Variants in SLC4A4 observed in about 807,000 individuals in gnomAD.
The protein encoded by SLC4A4 is solute carrier family 4 member 4, also known as electrogenic sodium bicarbonate cotransporter 1.
A neutral mutation model predicts 111.5 loss-of-function variants in SLC4A4; 27 were observed. The ratio of observed to expected loss-of-function variants is 0.24; its 90% CI spans 0.18 to 0.33. SLC4A4 has a LOEUF of 0.33. Among genes scored for constraint, SLC4A4 ranks in the 10% least tolerant of loss-of-function variants. The probability of loss-of-function intolerance (pLI) is 1.00; values close to 1 mark genes in which losing one functional copy is unlikely to be tolerated. For synonymous variants in SLC4A4, 443 were observed against 463.4 expected, an observed-to-expected ratio of 0.96 and a Z score of 0.57; for missense variants, 909 against 1,315.5, an observed-to-expected ratio of 0.69 and a Z score of 4.78.
At chr4:71,315,205 T>G (rs1726584990) in intron 3 of SLC4A4, among the ~76,000 whole-genome samples, 1 of 152,150 alleles carries the variant, frequency 6.6e-6, no homozygotes, top group Non-Finnish European at 1.5e-5. Context: ...CTCTATTCTG[T>G]GCCAATTGGT....
intron 23 of SLC4A4, among the ~76,000 whole-genome samples, chr4:71,562,946 TA>T (rs1396257432): frequency 6.6e-6 from 1 of 151,796 alleles, no homozygotes; most frequent in African/African-American, 2.4e-5. Context: ...TATTTTCAAC[TA>T]AAAACCATCT....
rs1250570425 is a variant in SLC4A4 at position 71,433,978 on chromosome 4, G to A, written c.808-6638G>A. Among the ~76,000 whole-genome samples the A allele has an allele frequency of 2.0e-5, 3 of 151,882 alleles. No homozygotes were observed. In the East Asian group the frequency reaches 5.8e-4, roughly 29 times the overall value. ...GCATAATGTTGAATTAGAAAAGCAA[G>A]GTAAAGTATGATGCATTGAGTATGA... On this transcript the variant is annotated intron_variant, in intron 7 of 25. Coordinates refer to ENST00000264485, the MANE Select transcript of SLC4A4 (RefSeq NM_001098484.3).
At chr4:71,122,752 C>G (rs916748393) in intron 2 of SLC4A4, among the ~76,000 whole-genome samples, 1 of 152,164 alleles carries the variant, frequency 6.6e-6, no homozygotes, top group African/African-American at 2.4e-5. Context: ...GACCATCCCC[C>G]CTCGGCATCT....
chr4:71,434,433 C>T, intron 7 of SLC4A4: 1 of 199,560 alleles, frequency 5.0e-6, no homozygotes, highest in Non-Finnish European at 1.1e-5. Context: ...CTAAATTTCC[C>T]AAAGTCTTTC....
intron 2 of SLC4A4, among the ~76,000 whole-genome samples, chr4:71,134,469 A>G (rs1743791823): frequency 6.6e-6 from 1 of 152,236 alleles, no homozygotes; most frequent in Non-Finnish European, 1.5e-5. Context: ...TCTTTGGTGA[A>G]GGAGGAGGAA....
At chr4:71,432,515 A>G (rs1235476874) in intron 7 of SLC4A4, among the ~76,000 whole-genome samples, 1 of 152,070 alleles carries the variant, frequency 6.6e-6, no homozygotes, top group East Asian at 1.9e-4. Context: ...TAAGATGTAA[A>G]TTTTTTTAAA....
chr4:71,119,200 C>A (rs72858487), intron 2 of SLC4A4, among the ~76,000 whole-genome samples: 1 of 152,078 alleles, frequency 6.6e-6, no homozygotes, highest in South Asian at 2.1e-4. Flanking sequence ...TTCAACTTTG[C>A]GGTGAAAATA....
chr4:71,532,674 T>A (rs937922079), intron 17 of SLC4A4, among the ~76,000 whole-genome samples: 2 of 152,088 alleles, frequency 1.3e-5, no homozygotes, highest in African/African-American at 4.8e-5. Context: ...CCCAGCTAAT[T>A]TTTTAATGTT....
intron 2 of SLC4A4, among the ~76,000 whole-genome samples, chr4:71,174,290 G>C (rs1456339423): frequency 4.8e-5 from 7 of 145,288 alleles, no homozygotes; most frequent in Non-Finnish European, 1.0e-4. Context: ...GTCTTACTCT[G>C]TTGCCTCTGA....
intron 2 of SLC4A4, among the ~76,000 whole-genome samples, chr4:71,103,481 C>T (rs1034797477): frequency 1.3e-4 from 20 of 152,082 alleles, no homozygotes; most frequent in African/African-American, 2.2e-4. Context: ...TTTTTCAGCA[C>T]CACACCACAC....
At chr4:71,466,256 T>A (rs1460369021) in intron 12 of SLC4A4, among the ~76,000 whole-genome samples, 188 bp from the exon 13 acceptor site, 1 of 152,130 alleles carries the variant, frequency 6.6e-6, no homozygotes, top group Non-Finnish European at 1.5e-5. Context: ...GACTAAATTG[T>A]AGGTGAAATA....
chr4:71,310,532 T>C (rs1255023697), intron 3 of SLC4A4, among the ~76,000 whole-genome samples: 1 of 152,142 alleles, frequency 6.6e-6, no homozygotes, highest in Non-Finnish European at 1.5e-5. Flanking sequence ...GGGCCCAATA[T>C]TCAATAGTTT....
At chr4:71,431,725 TA>T (rs989077532) in intron 7 of SLC4A4, among the ~76,000 whole-genome samples, 6 of 152,154 alleles carry the variant, frequency 3.9e-5, no homozygotes, top group African/African-American at 1.4e-4. Flanking sequence ...TATATACTTC[TA>T]ATTTTTTAGT....
chr4:71,441,081 C>G (rs922613286), intron 8 of SLC4A4, among the ~76,000 whole-genome samples: 4 of 152,032 alleles, frequency 2.6e-5, no homozygotes, highest in Non-Finnish European at 5.9e-5. Flanking sequence ...GAAAAAAGGT[C>G]TAAGAGTTTA....
chr4:71,134,837 C>T lies in SLC4A4; in HGVS notation c.-2+42045C>T, dbSNP rs10518084. Among the ~76,000 whole-genome samples the T allele has an allele frequency of 2.8e-3, 421 of 152,278 alleles. 4 individuals carry two copies. Among genetic ancestry groups the T allele is most frequent in the African/African-American group, 9.9e-3 (411 of 41,554 alleles). On this transcript the variant is annotated intron_variant, in intron 2 of 26. Coordinates refer to the SLC4A4 transcript ENST00000649996. ...TTCTTCAATAGGGAAAGGGTAGTGT[C>T]TGGAGAGCTCAGTGCTGAATTTTAG... is the stretch of plus-strand genomic sequence containing the variant.
At chr4:71,364,172 G>C (rs1313640397) in intron 6 of SLC4A4, among the ~76,000 whole-genome samples, 1 of 152,148 alleles carries the variant, frequency 6.6e-6, no homozygotes, top group Non-Finnish European at 1.5e-5. Flanking sequence ...GGCCTACTTT[G>C]TAATCTTCTT....
intron 7 of SLC4A4, among the ~76,000 whole-genome samples, chr4:71,398,284 C>CACAA (rs1720017026): frequency 1.3e-5 from 1 of 78,432 alleles, no homozygotes; most frequent in Admixed American, 1.2e-4. Flanking sequence ...GACTTTGTCT[C>CACAA]AAAAAAAAAA....
chr4:71,376,151 A>G (rs1732346591), intron 6 of SLC4A4, among the ~76,000 whole-genome samples: 1 of 74,290 alleles, frequency 1.3e-5, no homozygotes, highest in South Asian at 6.3e-4. Context: ...ATATACCTGT[A>G]TATATACACA....
Position 71,154,938 on chromosome 4 carries a change from T to A in SLC4A4, c.-2+62146T>A, listed in dbSNP as rs116244854. Among the ~76,000 whole-genome samples the A allele has an allele frequency of 4.9e-3, 753 of 152,332 alleles. 1 individual carries two copies. Among genetic ancestry groups the A allele is most frequent in the Middle Eastern group, 0.027 (8 of 294 alleles). On this transcript the variant is annotated intron_variant, in intron 2 of 26. Transcript: ENST00000649996. Reference sequence around the variant, plus strand: ...TGAAAAAAAGAAAAAATTTCATTCATAATTCCTTTTATTCTTATACATTAC... The same window carrying A: ...TGAAAAAAAGAAAAAATTTCATTCAAAATTCCTTTTATTCTTATACATTAC...
Sources: gnomAD v4.1 joint callset for allele counts (sites outside exome capture counted in the v4.1 genomes callset) on GRCh38, gnomAD v4.1.1 for gene constraint, MANE v1.5 for transcripts, NCBI Gene and HGNC (gene_info 2026-07-23, HGNC 2026-07-21) for gene names.